CFAP69: variants seen among roughly 807,000 people sequenced by gnomAD.
CFAP69 encodes cilia and flagella associated protein 69.
In CFAP69, 92 loss-of-function variants were observed where a neutral mutation model predicts 123.0. That is an observed-to-expected ratio of 0.75 (90% CI 0.63 to 0.89). The LOEUF (loss-of-function observed/expected upper bound fraction) is 0.89. Among genes scored for constraint, CFAP69 ranks in the 40% least tolerant of loss-of-function variants. The pLI, the probability that CFAP69 is intolerant of heterozygous loss-of-function variation, is 0.00. For missense variants in CFAP69, 1,067 were observed against 1,096.9 expected, an observed-to-expected ratio of 0.97 and a Z score of 0.39; for synonymous variants, 380 against 364.3, an observed-to-expected ratio of 1.04 and a Z score of -0.49.
rs1794265264 is a variant in CFAP69 at position 90,310,896 on chromosome 7, A to G, written c.*658A>G. ...TTATCAGAAGCAAGTATATATGAATATTGGGCAGCAAGATAAACAATAACT... is the reference window on the plus strand; with the variant it reads ...TTATCAGAAGCAAGTATATATGAATGTTGGGCAGCAAGATAAACAATAACT... On this transcript the variant is annotated 3_prime_UTR_variant, in exon 23 of 23. Coordinates refer to ENST00000389297, the MANE Select transcript of CFAP69 (RefSeq NM_001039706.3). The G allele has an allele frequency of 6.6e-6, 1 of 152,230 alleles. No individual in the cohort carries two copies. Among genetic ancestry groups the G allele is most frequent in the Non-Finnish European group, 1.5e-5 (1 of 68,044 alleles). 9.4% of individuals were successfully genotyped at this position (152,230 alleles called of 1,614,324 possible).
the CFAP69 span, chr7:90,322,663 A>T: frequency 6.6e-6 from 1 of 152,358 alleles, no homozygotes; most frequent in Non-Finnish European, 1.5e-5. Flanking sequence ...ATCTGTTTAC[A>T]AGTATTCAAA....
chr7:90,279,034 C>A (rs184173827), intron 11 of CFAP69, among the ~76,000 whole-genome samples: 5 of 152,186 alleles, frequency 3.3e-5, no homozygotes, highest in Non-Finnish European at 7.4e-5. Context: ...TGTATTAATT[C>A]TGTTGTCATA....
the CFAP69 span, chr7:90,317,201 T>G: frequency 2.0e-5 from 3 of 152,156 alleles, no homozygotes; most frequent in African/African-American, 7.2e-5. Flanking sequence ...AACTTTTTAC[T>G]CCTGTCACAT....
At chr7:90,285,872 G>A (rs1790199691) in intron 13 of CFAP69, among the ~76,000 whole-genome samples, 1 of 152,302 alleles carries the variant, frequency 6.6e-6, no homozygotes, top group East Asian at 1.9e-4. Flanking sequence ...CTATATATGT[G>A]AGGCTATGGA....
chr7:90,316,386 T>C, the CFAP69 span: 1 of 152,228 alleles, frequency 6.6e-6, no homozygotes, highest in Non-Finnish European at 1.5e-5. Flanking sequence ...TGATTTTGAA[T>C]AGGACAAAAG....
intron 14 of CFAP69, 23 bp downstream of exon 14, chr7:90,286,422 T>C: frequency 6.2e-7 from 1 of 1,607,852 alleles, no homozygotes; most frequent in Non-Finnish European, 8.5e-7. Context: ...GTGAAAGTTT[T>C]GTTCAGGTCT....
At chr7:90,298,474 C>T (rs755274803) in intron 16 of CFAP69, among the ~76,000 whole-genome samples, 3 of 152,168 alleles carry the variant, frequency 2.0e-5, no homozygotes, top group African/African-American at 4.8e-5. Context: ...GAGAGATTCT[C>T]ACACAGAGTT....
At chr7:90,261,031 A>C (rs1798251322) in intron 3 of CFAP69, among the ~76,000 whole-genome samples, 1 of 152,006 alleles carries the variant, frequency 6.6e-6, no homozygotes, top group Admixed American at 6.6e-5. Context: ...ATCTACCATA[A>C]TTTCTTAGCT....
rs754102266 is a variant in CFAP69, at chr7:90,307,848, G to A, written c.2544G>A (p.Thr848=). The part of the protein sequence containing the change: ...DFLARTSNAK[T]LKKAKSLQEK... ...TGGCTAGAACATCAAACGCTAAAAC[G>A]TTAAAGGTAGGATTTTTAATGTATT... Residue 848 remains threonine, a synonymous_variant, in exon 21 of 23, where the codon ACG becomes ACA. Transcript: ENST00000389297. The A allele has an allele frequency of 9.4e-6, 15 of 1,602,656 alleles. No individual in the cohort carries two copies. In the African/African-American group the frequency reaches 9.4e-5, roughly 10 times the overall value.
chr7:90,318,378 A>T, the CFAP69 span: 1 of 152,296 alleles, frequency 6.6e-6, no homozygotes, highest in East Asian at 1.9e-4. Context: ...TTCAAAACAA[A>T]GACAATAAAA....
the CFAP69 span, among the ~76,000 whole-genome samples, chr7:90,323,671 G>A: frequency 5.3e-5 from 8 of 152,190 alleles, no homozygotes; most frequent in African/African-American, 1.9e-4. Context: ...TAAGATTCAA[G>A]TCAACAATCA....
chr7:90,278,024 TGTATTATTAACAATTCTGTTTA>T (rs1366053249), intron 11 of CFAP69, among the ~76,000 whole-genome samples: 31 of 152,092 alleles, frequency 2.0e-4, no homozygotes, highest in Non-Finnish European at 7.4e-5. Context: ...TGACAGTAAA[TGTATTATTAACAATTCTGTTTA>T]GTTAGTTACT....
chr7:90,291,611 T>G (rs1791208826), intron 15 of CFAP69, among the ~76,000 whole-genome samples: 1 of 152,116 alleles, frequency 6.6e-6, no homozygotes, highest in African/African-American at 2.4e-5. Context: ...CCATCCCTTT[T>G]ATAAGAGAAG....
chr7:90,258,764 TTA>T, intron 3 of CFAP69, among the ~76,000 whole-genome samples: 1 of 152,286 alleles, frequency 6.6e-6, no homozygotes. Flanking sequence ...ATCTAACATT[TTA>T]TGTTCTTTAT....
intron 15 of CFAP69, among the ~76,000 whole-genome samples, chr7:90,297,176 C>T (rs754763902): frequency 7.2e-5 from 11 of 152,202 alleles, no homozygotes; most frequent in Middle Eastern, 3.2e-3. Flanking sequence ...TTTGGTATCT[C>T]ATTGCTGTGA....
intron 9 of CFAP69, chr7:90,276,086 A>G (rs911935080): frequency 2.0e-5 from 3 of 152,208 alleles, no homozygotes; most frequent in African/African-American, 7.2e-5. Context: ...TTTTATAATT[A>G]AAAATCATTG....
chr7:90,317,277 T>G, the CFAP69 span: 2 of 152,132 alleles, frequency 1.3e-5, no homozygotes, highest in African/African-American at 4.8e-5. Context: ...AAAGTGTCAA[T>G]ATGAAAATAT....
At chr7:90,262,105 A>G (rs1406852606) in intron 4 of CFAP69, 49 bp downstream of exon 4, 3 of 1,199,638 alleles carry the variant, frequency 2.5e-6, no homozygotes, top group Middle Eastern at 3.8e-4. Context: ...GGAGTATTTT[A>G]TTATGTTTCT....
intron 1 of CFAP69, among the ~76,000 whole-genome samples, chr7:90,254,738 T>A (rs1188691382): frequency 6.6e-6 from 1 of 152,132 alleles, no homozygotes; most frequent in Non-Finnish European, 1.5e-5. Context: ...AGAGGAGATG[T>A]GAGAGGCATT....
Sources: gnomAD v4.1 joint callset for allele counts (sites outside exome capture counted in the v4.1 genomes callset) on GRCh38, gnomAD v4.1.1 for gene constraint, MANE v1.5 for transcripts, NCBI Gene and HGNC (gene_info 2026-07-23, HGNC 2026-07-21) for gene names.